The following KIF6 variants were observed in gnomAD, a reference collection of about 807,000 sequenced individuals.
KIF6 encodes the protein kinesin family member 6, also known as kinesin-like protein KIF6.
Under a neutral mutation model 112.7 loss-of-function variants are expected in KIF6, and 106 were observed. That is an observed-to-expected ratio of 0.94 (90% CI 0.80 to 1.11). The LOEUF is 1.11. Among genes scored for constraint, KIF6 ranks in the 50% least tolerant of loss-of-function variants. The probability of loss-of-function intolerance (pLI) is 0.00; values close to 1 mark genes in which losing one functional copy is unlikely to be tolerated. For synonymous variants in KIF6, 339 were observed against 339.9 expected (o/e 1.00, Z 0.03); for missense variants, 929 against 964.0 (o/e 0.96, Z 0.48).
intron 3 of KIF6, among the ~76,000 whole-genome samples, chr6:39,706,460 A>G (rs1477094049): frequency 6.6e-6 from 1 of 152,220 alleles, no homozygotes; most frequent in African/African-American, 2.4e-5. Flanking sequence ...TGTCAAGGTC[A>G]TCATCTTGTA....
In KIF6 at chr6:39,610,369, T is replaced by C. The variant is rs538457699; in HGVS notation, c.639+2820A>G. Among the ~76,000 whole-genome samples the C allele has an allele frequency of 2.0e-4, 30 of 152,336 alleles. 1 individual carries two copies. The highest frequency in any genetic ancestry group is 1.7e-3 in the South Asian group (8 of 4,828). On this transcript the variant is annotated intron_variant, in intron 6 of 22. Coordinates refer to ENST00000287152, the MANE Select transcript of KIF6 (RefSeq NM_145027.6). ...TAACTTTTCCTTAAAATGCTGGCTA[T>C]GGGTAAAGAACATGAAAGGAAAGAG...
intron 13 of KIF6, among the ~76,000 whole-genome samples, chr6:39,439,631 G>C (rs1016801259): frequency 6.6e-6 from 1 of 152,128 alleles, no homozygotes; most frequent in African/African-American, 2.4e-5. Context: ...TCAGCCTCAG[G>C]GTTGGGTTTC....
intron 10 of KIF6, among the ~76,000 whole-genome samples, chr6:39,564,667 C>T (rs745503550): frequency 6.6e-6 from 1 of 152,142 alleles, no homozygotes; most frequent in Non-Finnish European, 1.5e-5. Context: ...CATGAGGTAT[C>T]TTACATTTTA....
intron 3 of KIF6, among the ~76,000 whole-genome samples, chr6:39,680,422 T>C (rs302561): frequency 6.8e-4 from 103 of 152,262 alleles, no homozygotes; most frequent in African/African-American, 2.5e-3. Context: ...TCAGTGACTA[T>C]GCACTGACTG....
intron 5 of KIF6, among the ~76,000 whole-genome samples, chr6:39,631,606 G>T (rs1184727036): frequency 1.3e-5 from 2 of 151,952 alleles, no homozygotes; most frequent in Non-Finnish European, 2.9e-5. Context: ...AATCTCACTT[G>T]GTCATGATAT....
chr6:39,609,617 A>G (rs1310345218), intron 6 of KIF6, among the ~76,000 whole-genome samples: 1 of 152,180 alleles, frequency 6.6e-6, no homozygotes, highest in Non-Finnish European at 1.5e-5. Context: ...CAGAAATGCA[A>G]ATGGCCAACG....
chr6:39,494,034 G>GA (rs1775631678), intron 13 of KIF6, among the ~76,000 whole-genome samples: 1 of 152,094 alleles, frequency 6.6e-6, no homozygotes, highest in East Asian at 1.9e-4. Flanking sequence ...GATATTCTTG[G>GA]AAAAAAGCTC....
intron 13 of KIF6, among the ~76,000 whole-genome samples, chr6:39,534,805 C>A (rs975873525): frequency 8.5e-5 from 13 of 152,104 alleles, no homozygotes; most frequent in Admixed American, 2.0e-4. Context: ...TTAAGGGCAG[C>A]CAGGGAGAAA....
chr6:39,382,866 T>A (rs1767076169), intron 16 of KIF6, among the ~76,000 whole-genome samples: 1 of 151,968 alleles, frequency 6.6e-6, no homozygotes, highest in Non-Finnish European at 1.5e-5. Flanking sequence ...CCATTCTGAC[T>A]GGTGTGAGAT....
At chr6:39,481,162 G>A (rs1774772168) in intron 13 of KIF6, among the ~76,000 whole-genome samples, 1 of 152,036 alleles carries the variant, frequency 6.6e-6, no homozygotes, top group Non-Finnish European at 1.5e-5. Context: ...AGAAAGATAA[G>A]AGCATACATT....
In KIF6 at chr6:39,331,448, G is replaced by C. The variant is rs1483743845; in HGVS notation, c.*5084C>G. 1 of 151,160 alleles carries C rather than the reference G, an allele frequency of 6.6e-6. No individual in the cohort carries two copies. The highest frequency in any genetic ancestry group is 1.5e-5 in the Non-Finnish European group (1 of 67,926). The allele number at this position is 151,160 out of a possible 1,614,324, so 9.4% of individuals were successfully genotyped here. On this transcript the variant is annotated 3_prime_UTR_variant, in exon 23 of 23. Transcript: ENST00000287152. ...TGCCCAGGTTGGAGTGCAGTGGCAC[G>C]ATCTCAGCTCACTGCAAACTCTGCC...
intron 2 of KIF6, among the ~76,000 whole-genome samples, chr6:39,716,015 C>A (rs190484839): frequency 2.4e-4 from 36 of 150,456 alleles, no homozygotes; most frequent in Admixed American, 1.6e-3. Flanking sequence ...TGGTTCACTT[C>A]TTTTATCAGA....
At chr6:39,468,578 T>A (rs1256765177) in intron 13 of KIF6, among the ~76,000 whole-genome samples, 1 of 152,084 alleles carries the variant, frequency 6.6e-6, no homozygotes, top group South Asian at 2.1e-4. Context: ...GAAATACTGA[T>A]GAAGAAAAAG....
intron 13 of KIF6, among the ~76,000 whole-genome samples, chr6:39,436,511 A>C (rs895444262): frequency 1.3e-5 from 2 of 151,722 alleles, no homozygotes; most frequent in Non-Finnish European, 2.9e-5. Flanking sequence ...TCTTAGATTT[A>C]AGTCTTTAAT....
intron 5 of KIF6, among the ~76,000 whole-genome samples, chr6:39,617,315 G>A (rs1290979735): frequency 6.6e-6 from 1 of 152,088 alleles, no homozygotes; most frequent in African/African-American, 2.4e-5. Flanking sequence ...ACTGACTGAA[G>A]CACATATAAA....
At position 39,346,132 on chromosome 6, in the gene KIF6, C is replaced by CCTCTCT. The variant is rs779814201; in HGVS notation, c.2231+338_2231+343dup. On this transcript the variant is annotated intron_variant, in intron 20 of 22. Coordinates refer to ENST00000287152, the MANE Select transcript of KIF6 (RefSeq NM_145027.6). The stretch of plus-strand genomic sequence containing the variant: ...CTCCCTCTCCCTCTCCCTCCCTCTC[C>CCTCTCT]CTCTCTCTCTCTCTCTCTCTCTCTC... Among the ~76,000 whole-genome samples the CCTCTCT allele has an allele frequency of 2.2e-3, 60 of 26,926 alleles. 1 individual carries two copies. Among genetic ancestry groups the CCTCTCT allele is most frequent in the African/African-American group, 6.4e-3 (43 of 6,752 alleles). The allele number at this position is 26,926 out of a possible 152,430, so 17.7% of individuals were successfully genotyped here. A position where few individuals can be genotyped will look rare whatever the true frequency, so the allele number is the denominator to read the frequency against.
intron 7 of KIF6, among the ~76,000 whole-genome samples, chr6:39,590,605 C>A (rs1188660177): frequency 6.6e-6 from 1 of 151,684 alleles, no homozygotes; most frequent in African/African-American, 2.4e-5. Context: ...GCATGCAGCA[C>A]CATGCCCAAC....
chr6:39,447,799 G>C (rs1171574092), intron 13 of KIF6, among the ~76,000 whole-genome samples: 1 of 152,052 alleles, frequency 6.6e-6, no homozygotes, highest in East Asian at 1.9e-4. Context: ...TTCTCGCCTT[G>C]CTGTAGTCCA....
chr6:39,589,766 C>T (rs1781832805), intron 7 of KIF6, among the ~76,000 whole-genome samples: 2 of 152,200 alleles, frequency 1.3e-5, no homozygotes, highest in South Asian at 2.1e-4. Flanking sequence ...TACAGTAGTA[C>T]TTTGCAGAGC....
Sources: gnomAD v4.1 joint callset for allele counts (sites outside exome capture counted in the v4.1 genomes callset) on GRCh38, gnomAD v4.1.1 for gene constraint, MANE v1.5 for transcripts, NCBI Gene and HGNC (gene_info 2026-07-23, HGNC 2026-07-21) for gene names.